RANBP17: variants seen among roughly 807,000 people sequenced by gnomAD.
RANBP17 encodes the protein RAN binding protein 17, also known as ran-binding protein 17.
Under a neutral mutation model 141.2 loss-of-function variants are expected in RANBP17, and 158 were observed. The ratio of observed to expected loss-of-function variants is 1.12; its 90% CI spans 0.98 to 1.28. The LOEUF (loss-of-function observed/expected upper bound fraction) is 1.28, where lower values mean the gene tolerates loss of function less well. RANBP17 is among the 50% of genes most tolerant of loss of function. The pLI, the probability that RANBP17 is intolerant of heterozygous loss-of-function variation, is 0.00. For synonymous variants in RANBP17, 430 were observed against 450.0 expected (o/e 0.96, Z 0.56); for missense variants, 1,438 against 1,290.7 (o/e 1.11, Z -1.75).
At chr5:171,091,296 G>A (rs929213812) in intron 14 of RANBP17, among the ~76,000 whole-genome samples, 5 of 152,204 alleles carry the variant, frequency 3.3e-5, no homozygotes, top group Non-Finnish European at 5.9e-5. Flanking sequence ...TTCCTCACTG[G>A]ATTTCAGATT....
At chr5:171,039,245 G>GT (rs57258448) in intron 14 of RANBP17, among the ~76,000 whole-genome samples, 4,011 of 125,340 alleles carry the variant, frequency 0.032, 182 homozygotes, top group African/African-American at 0.11. Flanking sequence ...TCTGTTGTTG[G>GT]TTTTTTTTTT....
rs34470156 is a variant in RANBP17, at chr5:171,038,219, G to A, written c.1710+69842G>A. On this transcript the variant is annotated intron_variant, in intron 14 of 27. Coordinates refer to ENST00000523189, the MANE Select transcript of RANBP17 (RefSeq NM_022897.5). ...GTGCACGTGCACAGCAATTATAAAT[G>A]TGATTTTATTCTTGATTTGTCTCTC... 8.0e-3 allele frequency among the ~76,000 whole-genome samples: 1,206 copies of A among 150,860 alleles called. 21 individuals carry two copies. Among genetic ancestry groups the A allele is most frequent in the South Asian group, 0.07 (333 of 4,746 alleles).
rs528593853 is a variant in RANBP17 at position 171,260,510 on chromosome 5, T to TGG, written c.2777-5167_2777-5166dup. ...TAGATAACAGAGACGAAAAGGTGAG[T>TGG]GGGGGCAAGGGAGAGGATGAAGAGA... On this transcript the variant is annotated intron_variant, in intron 24 of 27. Transcript: ENST00000523189. 5.5e-4 allele frequency among the ~76,000 whole-genome samples: 75 copies of TGG among 136,710 alleles called. No homozygotes were observed. In the East Asian group the frequency reaches 0.013, roughly 24 times the overall value. 89.7% of individuals were successfully genotyped at this position (136,710 alleles called of 152,430 possible).
At chr5:171,127,277 T>C (rs1756545330) in intron 14 of RANBP17, among the ~76,000 whole-genome samples, 1 of 152,238 alleles carries the variant, frequency 6.6e-6, no homozygotes, top group Admixed American at 6.5e-5. Context: ...TCAACATGCC[T>C]TCATGATAAA....
intron 24 of RANBP17, among the ~76,000 whole-genome samples, chr5:171,250,555 TA>T (rs1018879986): frequency 4.6e-5 from 7 of 150,856 alleles, no homozygotes; most frequent in South Asian, 2.1e-4. Flanking sequence ...TGAACTGATT[TA>T]AAAAAAAAAT....
chr5:170,975,249 C>T (rs902153346), intron 14 of RANBP17, among the ~76,000 whole-genome samples: 11 of 152,154 alleles, frequency 7.2e-5, no homozygotes, highest in African/African-American at 2.7e-4. Flanking sequence ...ATTCAGCCAG[C>T]TGGGCGTGGT....
chr5:171,014,083 T>C (rs1353189575), intron 14 of RANBP17, among the ~76,000 whole-genome samples: 3 of 152,126 alleles, frequency 2.0e-5, no homozygotes, highest in Non-Finnish European at 2.9e-5. Context: ...AAGACCCTCT[T>C]TATTCATGCT....
At chr5:170,892,607 A>G in intron 4 of RANBP17, 54 bp downstream of exon 4, 1 of 1,403,840 alleles carries the variant, frequency 7.1e-7, no homozygotes, top group Non-Finnish European at 9.9e-7. Flanking sequence ...TTTTTGGTTT[A>G]GAATACTGCT....
Position 171,062,298 on chromosome 5 carries a change from C to T in RANBP17, c.1710+93921C>T, listed in dbSNP as rs183062858. Among the ~76,000 whole-genome samples the T allele has an allele frequency of 5.8e-4, 89 of 152,236 alleles. 1 individual carries two copies. In the East Asian group the frequency reaches 0.01, roughly 17 times the overall value. ...GGCATAATTTTGCGGCGGCTGGTAC[C>T]GGTTGTTCCTTTCCATGTTTAGTGC... On this transcript the variant is annotated intron_variant, in intron 14 of 27. Transcript: ENST00000523189.
intron 12 of RANBP17, among the ~76,000 whole-genome samples, chr5:170,947,315 T>A (rs1404686158): frequency 6.6e-6 from 1 of 152,136 alleles, no homozygotes; most frequent in Non-Finnish European, 1.5e-5. Flanking sequence ...ATGTATAATA[T>A]ACCCAGCGTT....
chr5:170,876,251 C>A (rs889255538), intron 1 of RANBP17, among the ~76,000 whole-genome samples: 2 of 152,208 alleles, frequency 1.3e-5, no homozygotes, highest in Admixed American at 6.5e-5. Flanking sequence ...CTGTGGGTTA[C>A]CCCAACTGCC....
chr5:171,070,584 C>T (rs1397786624), intron 14 of RANBP17, among the ~76,000 whole-genome samples: 1 of 151,988 alleles, frequency 6.6e-6, no homozygotes, highest in African/African-American at 2.4e-5. Flanking sequence ...AAACCCAAGA[C>T]CAGGAGATGG....
chr5:170,881,552 C>T (rs1015020371), intron 2 of RANBP17, among the ~76,000 whole-genome samples: 2 of 152,124 alleles, frequency 1.3e-5, no homozygotes, highest in Admixed American at 1.3e-4. Context: ...TTTATTTCTC[C>T]TCTTTGCTTA....
chr5:171,220,441 CTTT>C (rs1173697219), intron 21 of RANBP17, among the ~76,000 whole-genome samples: 3 of 73,026 alleles, frequency 4.1e-5, no homozygotes, highest in African/African-American at 1.1e-4. Context: ...CCAGATGATT[CTTT>C]TTTTTTTTTT....
rs375525734 is a variant in RANBP17 at position 171,147,782 on chromosome 5, C to G, written c.1711-22348C>G. On this transcript the variant is annotated intron_variant, in intron 14 of 27. Coordinates refer to ENST00000523189, the MANE Select transcript of RANBP17 (RefSeq NM_022897.5). ...ATCTCAGGTGGGGGGGTCAGCCCCC[C>G]GCCCGGCCAGCCGCCCCGTCCGGGA... 5.3e-5 allele frequency among the ~76,000 whole-genome samples: 8 copies of G among 152,282 alleles called. No homozygotes were observed. In the East Asian group the frequency reaches 1.5e-3, roughly 29 times the overall value.
chr5:171,296,165 ATAT>A (rs1411503975), intron 27 of RANBP17, 151 bp downstream of exon 27: 8 of 753,418 alleles, frequency 1.1e-5, no homozygotes, highest in Non-Finnish European at 1.7e-5. Context: ...CATTCAGTAA[ATAT>A]TGTTGGTTAT....
rs764217144 is a variant in RANBP17 at position 171,171,264 on chromosome 5, T to C, written c.1843T>C (p.Phe615Leu). The change falls in exon 16 of 28, where the codon TTC (phenylalanine) becomes CTC (leucine). Residue 615 changes from phenylalanine (F) to leucine (L), a missense_variant. Coordinates refer to ENST00000523189, the MANE Select transcript of RANBP17 (RefSeq NM_022897.5). ...YEPVISRTLQ[F>L]LNDLSVGYIL... ...GCCTGTAATTTCAAGGACTCTTCAG[T>C]TCCTAAATGACCTTTCTGTTGGATA... The C allele has an allele frequency of 6.3e-7, 1 of 1,594,900 alleles. No individual in the cohort carries two copies.
intron 24 of RANBP17, among the ~76,000 whole-genome samples, chr5:171,256,428 A>C (rs576441084): frequency 1.8e-4 from 27 of 152,346 alleles, no homozygotes; most frequent in African/African-American, 6.5e-4. Flanking sequence ...AAAAGAAGGA[A>C]GTTTATAGCA....
chr5:171,186,038 A>C (rs1390457762), intron 18 of RANBP17, among the ~76,000 whole-genome samples: 1 of 152,214 alleles, frequency 6.6e-6, no homozygotes, highest in Admixed American at 6.5e-5. Context: ...TCTAGAGCAC[A>C]GGCAGAGTAG....
Sources: gnomAD v4.1 joint callset for allele counts (sites outside exome capture counted in the v4.1 genomes callset) on GRCh38, gnomAD v4.1.1 for gene constraint, MANE v1.5 for transcripts, NCBI Gene and HGNC (gene_info 2026-07-23, HGNC 2026-07-21) for gene names.